SEMA3C: variants seen among roughly 807,000 people sequenced by gnomAD.
SEMA3C encodes the protein semaphorin 3C, also known as semaphorin-3C.
A neutral mutation model predicts 89.4 loss-of-function variants in SEMA3C; 47 were observed. The ratio of observed to expected loss-of-function variants is 0.53; its 90% CI spans 0.42 to 0.67. The LOEUF (loss-of-function observed/expected upper bound fraction) is 0.67. SEMA3C is among the 30% of genes least tolerant of loss of function. The pLI is 0.00. For missense variants in SEMA3C, 839 were observed against 929.1 expected, an observed-to-expected ratio of 0.90 and a Z score of 1.26; for synonymous variants, 310 against 320.2, an observed-to-expected ratio of 0.97 and a Z score of 0.34.
chr7:80,909,057 T>C (rs1792083589), intron 2 of SEMA3C, among the ~76,000 whole-genome samples: 1 of 152,084 alleles, frequency 6.6e-6, no homozygotes, highest in Non-Finnish European at 1.5e-5. Flanking sequence ...TATAATGTAA[T>C]TTTACTCATA....
At chr7:80,773,356 G>T (rs904139495) in intron 12 of SEMA3C, among the ~76,000 whole-genome samples, 1 of 152,132 alleles carries the variant, frequency 6.6e-6, no homozygotes, top group Admixed American at 6.5e-5. Flanking sequence ...AAAGCCCAGA[G>T]TTGGCATAGA....
chr7:80,804,086 G>A lies in SEMA3C; in HGVS notation c.801+20C>T, dbSNP rs538199875. 1.5e-5 allele frequency: 24 copies of A among 1,562,962 alleles called. No individual in the cohort carries two copies. Among genetic ancestry groups the A allele is most frequent in the African/African-American group, 4.1e-5 (3 of 73,140 alleles). ...GAATTTCTTGGTCTTTCTTCAAATC[G>A]GAACAGCATTAATACTTACAGGACA... On this transcript the variant is annotated intron_variant, in intron 8 of 17. Transcript: ENST00000265361.
At chr7:80,890,616 T>C (rs1053782684) in intron 2 of SEMA3C, among the ~76,000 whole-genome samples, 1 of 152,158 alleles carries the variant, frequency 6.6e-6, no homozygotes, top group Non-Finnish European at 1.5e-5. Flanking sequence ...GGCTGAACTT[T>C]CCCCAACTGG....
intron 13 of SEMA3C, among the ~76,000 whole-genome samples, chr7:80,764,525 C>G (rs1788252797): frequency 6.6e-6 from 1 of 152,082 alleles, no homozygotes; most frequent in South Asian, 2.1e-4. Flanking sequence ...CTGCCCTGAC[C>G]AGGTGAGATC....
intron 12 of SEMA3C, among the ~76,000 whole-genome samples, chr7:80,788,622 A>T (rs1403331575): frequency 6.6e-6 from 1 of 152,210 alleles, no homozygotes; most frequent in Non-Finnish European, 1.5e-5. Flanking sequence ...GTCTATAAAC[A>T]AGCACATTTT....
chr7:80,876,834 T>A (rs1791214507), intron 2 of SEMA3C, among the ~76,000 whole-genome samples: 1 of 152,236 alleles, frequency 6.6e-6, no homozygotes, highest in Admixed American at 6.5e-5. Flanking sequence ...TTAAGCAGCG[T>A]GAAAACACTT....
At chr7:80,792,704 C>T (rs981014226) in intron 11 of SEMA3C, among the ~76,000 whole-genome samples, 5 of 152,006 alleles carry the variant, frequency 3.3e-5, no homozygotes, top group African/African-American at 1.2e-4. Context: ...TTTAATACTC[C>T]CATGAATTTA....
At chr7:80,832,146 C>T (rs1173280683) in intron 2 of SEMA3C, among the ~76,000 whole-genome samples, 1 of 152,026 alleles carries the variant, frequency 6.6e-6, no homozygotes. Flanking sequence ...ATAGAGATGA[C>T]TTGGTTGTTA....
chr7:80,903,055 C>T (rs1791921802), intron 2 of SEMA3C, among the ~76,000 whole-genome samples: 2 of 152,174 alleles, frequency 1.3e-5, no homozygotes, highest in Non-Finnish European at 2.9e-5. Context: ...TCTGCCCATC[C>T]CTCCTAATGC....
chr7:80,875,025 AG>A (rs1405810314), intron 2 of SEMA3C, among the ~76,000 whole-genome samples: 1 of 151,712 alleles, frequency 6.6e-6, no homozygotes, highest in Non-Finnish European at 1.5e-5. Context: ...CGGAGCTTGC[AG>A]TGAGCAGAGA....
chr7:80,800,372 C>T (rs1342494718), intron 10 of SEMA3C, among the ~76,000 whole-genome samples: 2 of 152,260 alleles, frequency 1.3e-5, no homozygotes, highest in East Asian at 3.9e-4. Flanking sequence ...ACTTGTGTTA[C>T]TGTCACTACA....
chr7:80,922,047 AAACTG>A (rs1419856825), upstream of SEMA3C, among the ~76,000 whole-genome samples: 2 of 152,200 alleles, frequency 1.3e-5, no homozygotes, highest in African/African-American at 4.8e-5. Context: ...TTAGTCATAA[AAACTG>A]ATATTTGTAA....
chr7:80,907,629 G>A (rs1792046642), intron 2 of SEMA3C, among the ~76,000 whole-genome samples: 2 of 151,990 alleles, frequency 1.3e-5, no homozygotes, highest in South Asian at 2.1e-4. Flanking sequence ...ATGGCAATGA[G>A]ACTCCAATCT....
chr7:80,875,486 C>A (rs1045942754), intron 2 of SEMA3C, among the ~76,000 whole-genome samples: 3 of 152,056 alleles, frequency 2.0e-5, no homozygotes, highest in Non-Finnish European at 4.4e-5. Flanking sequence ...GGTAGTTTGG[C>A]TTTCCAAGGT....
chr7:80,890,224 AAGAC>A (rs1433917452), intron 2 of SEMA3C, among the ~76,000 whole-genome samples: 8 of 152,146 alleles, frequency 5.3e-5, no homozygotes, highest in African/African-American at 9.7e-5. Context: ...ACAAGAAAAA[AAGAC>A]AGCTTGTTTT....
intron 12 of SEMA3C, among the ~76,000 whole-genome samples, chr7:80,766,722 T>C (rs1165804160): frequency 6.6e-6 from 1 of 152,152 alleles, no homozygotes; most frequent in Non-Finnish European, 1.5e-5. Flanking sequence ...TCCCAGTAGA[T>C]GGAAACACCT....
At chr7:80,819,008 A>G (rs1444103401) in intron 4 of SEMA3C, among the ~76,000 whole-genome samples, 1 of 152,226 alleles carries the variant, frequency 6.6e-6, no homozygotes, top group Non-Finnish European at 1.5e-5. Context: ...TGAGAAAAAC[A>G]CAAAAATCTC....
In SEMA3C at chr7:80,798,252, G is replaced by A. The variant is rs1487054563; in HGVS notation, c.987-16C>T. The A allele has an allele frequency of 7.1e-7, 1 of 1,398,712 alleles. No individual in the cohort carries two copies. The highest frequency in any genetic ancestry group is 9.4e-7 in the Non-Finnish European group (1 of 1,068,222). 86.6% of individuals were successfully genotyped at this position (1,398,712 alleles called of 1,614,324 possible). On this transcript the variant is annotated splice_polypyrimidine_tract_variant and intron_variant, in intron 10 of 17. Coordinates refer to ENST00000265361, the MANE Select transcript of SEMA3C (RefSeq NM_006379.5). ...GAAAACTGAGCTAAAAAAGAAAACA[G>A]AAAAAGGCATTTTCAAATTTTTAAA...
intron 12 of SEMA3C, among the ~76,000 whole-genome samples, chr7:80,766,671 C>CT (rs60398773): frequency 1 from 152,248 of 152,248 alleles, 76,124 homozygotes; most frequent in Non-Finnish European, 1. Flanking sequence ...CGCCAAGAAC[C>CT]GGACACCCTC....
Sources: gnomAD v4.1 joint callset for allele counts (sites outside exome capture counted in the v4.1 genomes callset) on GRCh38, gnomAD v4.1.1 for gene constraint, MANE v1.5 for transcripts, NCBI Gene and HGNC (gene_info 2026-07-23, HGNC 2026-07-21) for gene names.